SNRNP48: variants seen among roughly 807,000 people sequenced by gnomAD.
SNRNP48 encodes small nuclear ribonucleoprotein U11/U12 subunit 48.
Under a neutral mutation model 47.0 loss-of-function variants are expected in SNRNP48, and 43 were observed. The observed-to-expected ratio is 0.92, with a 90% CI of 0.72 to 1.18. The LOEUF (loss-of-function observed/expected upper bound fraction) is 1.18. Among genes scored for constraint, SNRNP48 ranks in the 50% most tolerant of loss-of-function variants. The pLI, the probability that SNRNP48 is intolerant of heterozygous loss-of-function variation, is 0.00. For missense variants in SNRNP48, 396 were observed against 422.2 expected, an observed-to-expected ratio of 0.94 and a Z score of 0.54; for synonymous variants, 138 against 144.0, an observed-to-expected ratio of 0.96 and a Z score of 0.30.
At chr6:7,598,620 T>C (rs1759952389) in intron 4 of SNRNP48, among the ~76,000 whole-genome samples, 1 of 152,266 alleles carries the variant, frequency 6.6e-6, no homozygotes, top group African/African-American at 2.4e-5. Flanking sequence ...CAGGACTTTC[T>C]TTAAATATCT....
In SNRNP48 at chr6:7,590,408, G is replaced by T; in HGVS notation, c.151G>T (p.Ala51Ser). The stretch of plus-strand genomic sequence containing the variant: ...TCTGGATCCCGGGGAAGAGGAGGCG[G>T]CGGAGGTGAGGAGCGCGGCCGCGGG... Reference protein sequence around the residue: ...DSLDPGEEEAAEDEVVICPYD... With the variant: ...DSLDPGEEEASEDEVVICPYD... Residue 51 changes from alanine (A) to serine (S), a missense_variant, in exon 1 of 9, where the codon GCG (alanine) becomes TCG (serine). By Grantham distance (99) the Ala-to-Ser change is moderately conservative. Coordinates refer to ENST00000342415, the MANE Select transcript of SNRNP48 (RefSeq NM_152551.4). 7.6e-7 allele frequency: 1 copy of T among 1,313,284 alleles called. No individual in the cohort carries two copies. The highest frequency in any genetic ancestry group is 2.4e-5 in the South Asian group (1 of 42,248). The allele number at this position is 1,313,284 out of a possible 1,614,324, so 81.4% of individuals were successfully genotyped here. A position where few individuals can be genotyped will look rare whatever the true frequency, so the allele number is the denominator to read the frequency against.
At chr6:7,594,815 A>G (rs1316384745) in intron 3 of SNRNP48, among the ~76,000 whole-genome samples, 1 of 152,230 alleles carries the variant, frequency 6.6e-6, no homozygotes, top group African/African-American at 2.4e-5. Flanking sequence ...AATTATAGGC[A>G]TGAACTGCTT....
At chr6:7,595,220 T>G (rs1759882977) in intron 4 of SNRNP48, 119 bp downstream of exon 4, 6 of 824,238 alleles carry the variant, frequency 7.3e-6, no homozygotes. Context: ...AAGGTAAAGT[T>G]TTACATTTAA....
At chr6:7,600,943 A>G in intron 4 of SNRNP48, 1 of 157,408 alleles carries the variant, frequency 6.4e-6, no homozygotes, top group Non-Finnish European at 1.4e-5. Flanking sequence ...ATTACTTATT[A>G]AAAGCATTTT....
At position 7,594,105 on chromosome 6, in the gene SNRNP48, A is replaced by G; in HGVS notation, c.277A>G (p.Met93Val). The G allele has an allele frequency of 1.4e-6, 2 of 1,440,324 alleles. No homozygotes were observed. The highest frequency in any genetic ancestry group is 2.3e-5 in the Admixed American group (1 of 43,514). The allele number at this position is 1,440,324 out of a possible 1,614,324, so 89.2% of individuals were successfully genotyped here. Residue 93 changes from methionine (M) to valine (V), a missense_variant, in exon 3 of 9, where the codon ATG becomes GTG. By Grantham distance (21) the Met-to-Val change is conservative. Transcript: ENST00000342415. Reference protein sequence around the residue: ...MGYTKEEEDEMYNPEFFYENV... With the variant: ...MGYTKEEEDEVYNPEFFYENV... ...TAAGATTCTTTTTTTTCAGGATGAA[A>G]TGTATAATCCTGAGTTTTTCTATGA...
rs1759882927 is a variant in SNRNP48 at position 7,595,212 on chromosome 6, G to A, written c.406+111G>A. On this transcript the variant is annotated intron_variant, in intron 4 of 8. Transcript: ENST00000342415. ...CCTGTGAAAACTGTTACATGGGAAAGGTAAAGTTTTACATTTAACATTGGG... is the reference window on the plus strand; with the variant it reads ...CCTGTGAAAACTGTTACATGGGAAAAGTAAAGTTTTACATTTAACATTGGG... The A allele has an allele frequency of 3.3e-6, 3 of 899,876 alleles. No individual in the cohort carries two copies. The Admixed American group carries it at 9.9e-5, about 30-fold the overall frequency. 55.7% of individuals were successfully genotyped at this position (899,876 alleles called of 1,614,324 possible).
chr6:7,606,843 C>G (rs1760138175), intron 8 of SNRNP48, among the ~76,000 whole-genome samples: 1 of 152,234 alleles, frequency 6.6e-6, no homozygotes, highest in African/African-American at 2.4e-5. Flanking sequence ...AGATGACTCT[C>G]ATCTATTAAC....
At chr6:7,607,988 A>G (rs1760163810) in intron 8 of SNRNP48, among the ~76,000 whole-genome samples, 2 of 152,210 alleles carry the variant, frequency 1.3e-5, no homozygotes, top group Non-Finnish European at 2.9e-5. Context: ...TGCTTCTTCT[A>G]CTTAAGTAAT....
chr6:7,604,905 T>C lies in SNRNP48; in HGVS notation c.718-493T>C, dbSNP rs568258393. On this transcript the variant is annotated intron_variant, in intron 6 of 8. Transcript: ENST00000342415. ...AAAATCATTTGTAAATAAGCTCTAA[T>C]AGAGAGATAAATTGCAAAACTAAAA... is the stretch of plus-strand genomic sequence containing the variant. 3.2e-4 allele frequency among the ~76,000 whole-genome samples: 48 copies of C among 152,300 alleles called. No homozygotes were observed. The South Asian group carries it at 7.5e-3, about 24-fold the overall frequency.
chr6:7,602,563 T>C (rs1324052087), intron 5 of SNRNP48, 60 bp from the exon 6 acceptor site: 1 of 1,288,346 alleles, frequency 7.8e-7, no homozygotes, highest in Non-Finnish European at 1.1e-6. Context: ...ATTTATTTGA[T>C]AATTCATAGA....
At chr6:7,592,372 ATT>A (rs59852711) in intron 1 of SNRNP48, among the ~76,000 whole-genome samples, 70 of 139,064 alleles carry the variant, frequency 5.0e-4, no homozygotes, top group Non-Finnish European at 4.4e-4. Context: ...GAAAGTCTAG[ATT>A]TTTTTTTTTT....
Position 7,606,126 on chromosome 6 carries a change from G to C in SNRNP48, c.902G>C (p.Arg301Thr). Residue 301 changes from arginine (R) to threonine (T), a missense_variant, in exon 8 of 9, where the codon AGA (arginine) becomes ACA (threonine). Physicochemically the swap from Arg to Thr is moderately conservative, Grantham distance 71. Coordinates refer to ENST00000342415, the MANE Select transcript of SNRNP48 (RefSeq NM_152551.4). ...TCACGACATAGAAGGGATAGGAGTA[G>C]AAGCCCACATAAAAGAAAAAGAAAC... ...ECSRHRRDRS[R>T]SPHKRKRNKD... The C allele has an allele frequency of 6.2e-7, 1 of 1,613,756 alleles. No individual in the cohort carries two copies. Among genetic ancestry groups the C allele is most frequent in the Non-Finnish European group, 8.5e-7 (1 of 1,179,900 alleles).
intron 6 of SNRNP48, among the ~76,000 whole-genome samples, chr6:7,602,976 G>A (rs1760058589): frequency 6.6e-6 from 1 of 152,190 alleles, no homozygotes; most frequent in African/African-American, 2.4e-5. Flanking sequence ...ATCTCCTTGT[G>A]AGAAAGTAGT....
chr6:7,605,507 G>A, intron 7 of SNRNP48, 21 bp downstream of exon 7: 4 of 1,591,714 alleles, frequency 2.5e-6, no homozygotes, highest in Non-Finnish European at 3.4e-6. Context: ...ATCTTTATTG[G>A]TGAAAATACT....
intron 1 of SNRNP48, among the ~76,000 whole-genome samples, chr6:7,591,910 C>G (rs1487086963): frequency 6.6e-6 from 1 of 152,158 alleles, no homozygotes; most frequent in South Asian, 2.1e-4. Context: ...TCACCTAGTT[C>G]CTAGTCCTCA....
chr6:7,600,805 CTA>C (rs1377028806), intron 4 of SNRNP48: 1 of 152,140 alleles, frequency 6.6e-6, no homozygotes, highest in Non-Finnish European at 1.5e-5. Flanking sequence ...GCCCCTAGCT[CTA>C]AGTCCTTGCA....
At chr6:7,595,690 A>G (rs1225853735) in intron 4 of SNRNP48, among the ~76,000 whole-genome samples, 4 of 152,234 alleles carry the variant, frequency 2.6e-5, no homozygotes, top group Non-Finnish European at 5.9e-5. Flanking sequence ...GAAAAGGCTT[A>G]GGCTAAAAGA....
chr6:7,590,958 A>G (rs1416904122), intron 1 of SNRNP48, among the ~76,000 whole-genome samples: 1 of 152,222 alleles, frequency 6.6e-6, no homozygotes, highest in African/African-American at 2.4e-5. Context: ...AGCCTGGGCG[A>G]CAGAGCAAGA....
chr6:7,595,816 C>G (rs1192847615), intron 4 of SNRNP48, among the ~76,000 whole-genome samples: 4 of 152,204 alleles, frequency 2.6e-5, no homozygotes, highest in African/African-American at 7.2e-5. Flanking sequence ...AAAAGTTTTA[C>G]ATATAATTTC....
Sources: gnomAD v4.1 joint callset for allele counts (sites outside exome capture counted in the v4.1 genomes callset) on GRCh38, gnomAD v4.1.1 for gene constraint, MANE v1.5 for transcripts, NCBI Gene and HGNC (gene_info 2026-07-23, HGNC 2026-07-21) for gene names.